The following SEMA5A variants were observed in gnomAD, a reference collection of about 807,000 sequenced individuals.
SEMA5A encodes semaphorin 5A.
In SEMA5A, 55 loss-of-function variants were observed where a neutral mutation model predicts 135.5. That is an observed-to-expected ratio of 0.41 (90% CI 0.33 to 0.51). The LOEUF (loss-of-function observed/expected upper bound fraction) is 0.51. Ranked by LOEUF, SEMA5A falls within the 20% of genes least tolerant of loss-of-function variation. SEMA5A has a pLI of 0.37. For synonymous variants in SEMA5A, 580 were observed against 546.5 expected, an observed-to-expected ratio of 1.06 and a Z score of -0.85; for missense variants, 1,290 against 1,419.9, an observed-to-expected ratio of 0.91 and a Z score of 1.47.
chr5:9,310,501 G>GC (rs1752076906), intron 5 of SEMA5A, among the ~76,000 whole-genome samples: 1 of 151,986 alleles, frequency 6.6e-6, no homozygotes, highest in Non-Finnish European at 1.5e-5. Flanking sequence ...CTGTGGGGGA[G>GC]ACCAGTCTCT....
chr5:9,051,850 C>T (rs1015478684), intron 20 of SEMA5A, 23 bp downstream of exon 20: 1 of 1,613,852 alleles, frequency 6.2e-7, no homozygotes, highest in Non-Finnish European at 8.5e-7. Flanking sequence ...TTTATTCTTA[C>T]TGATAAATAC....
chr5:9,540,483 G>T (rs1482092151), intron 1 of SEMA5A, among the ~76,000 whole-genome samples: 1 of 151,664 alleles, frequency 6.6e-6, no homozygotes, highest in Non-Finnish European at 1.5e-5. Flanking sequence ...TGTAGTCCCA[G>T]CTGCTCAGGA....
At position 9,051,938 on chromosome 5, in the gene SEMA5A, C is replaced by T. The variant is rs1561103558; in HGVS notation, c.2780G>A (p.Gly927Asp). 1.2e-6 allele frequency: 2 copies of T among 1,614,068 alleles called. No homozygotes were observed. The highest frequency in any genetic ancestry group is 1.7e-6 in the Non-Finnish European group (2 of 1,180,032). ...CGTGGTGTTCCCGGAGCACTGGCTG[C>T]CCATGGGGAACAGGAGGATGCACTG... Reference protein sequence around the residue: ...ARQCILLFPMGSQCSGNTTES... With the variant: ...ARQCILLFPMDSQCSGNTTES... The change falls in exon 20 of 23, where the codon GGC becomes GAC. Residue 927 changes from glycine (G) to aspartate (D), a missense_variant. By Grantham distance (94) the Gly-to-Asp change is moderately conservative. This residue lies in a region of SEMA5A where 1,029 missense variants were observed against 1,086.6 expected (regional missense o/e 0.95). Coordinates refer to ENST00000382496, the MANE Select transcript of SEMA5A (RefSeq NM_003966.3).
intron 1 of SEMA5A, among the ~76,000 whole-genome samples, chr5:9,493,614 G>A (rs1186340926): frequency 6.6e-6 from 1 of 152,140 alleles, no homozygotes; most frequent in Non-Finnish European, 1.5e-5. Context: ...TTGATAATAG[G>A]ATTAAAGTTA....
At chr5:9,289,526 G>A (rs60520783) in intron 5 of SEMA5A, among the ~76,000 whole-genome samples, 16,879 of 151,666 alleles carry the variant, frequency 0.11, 1,071 homozygotes, top group South Asian at 0.19. Flanking sequence ...TTAGCCAGGC[G>A]TGGTGGCACG....
chr5:9,140,108 T>A (rs6876019), intron 12 of SEMA5A, among the ~76,000 whole-genome samples: 138,329 of 152,260 alleles, frequency 0.91, 63,346 homozygotes, highest in Non-Finnish European at 0.97. Context: ...TCCTTTTCAA[T>A]TACTACAAGT....
intron 1 of SEMA5A, among the ~76,000 whole-genome samples, chr5:9,519,500 C>T (rs146980998): frequency 2.0e-5 from 3 of 152,306 alleles, no homozygotes; most frequent in Non-Finnish European, 2.9e-5. Flanking sequence ...AATCCAGCTT[C>T]GTTTTAATTT....
At chr5:9,209,466 T>C (rs963612631) in intron 8 of SEMA5A, among the ~76,000 whole-genome samples, 5 of 152,236 alleles carry the variant, frequency 3.3e-5, no homozygotes, top group African/African-American at 9.6e-5. Context: ...ATCAAATTAA[T>C]ACAAGGTTTT....
intron 1 of SEMA5A, among the ~76,000 whole-genome samples, chr5:9,515,987 TACG>T (rs1393427075): frequency 1.3e-5 from 2 of 152,226 alleles, no homozygotes; most frequent in Non-Finnish European, 2.9e-5. Context: ...TGAATATAGT[TACG>T]ACATTTGTGA....
At chr5:9,047,783 T>TA (rs552138663) in intron 21 of SEMA5A, among the ~76,000 whole-genome samples, 12 of 150,582 alleles carry the variant, frequency 8.0e-5, no homozygotes, top group South Asian at 2.1e-4. Context: ...CCTGAAGATC[T>TA]AAAAAAAAAA....
chr5:9,360,630 A>G (rs1482915029), intron 3 of SEMA5A, among the ~76,000 whole-genome samples: 1 of 152,254 alleles, frequency 6.6e-6, no homozygotes, highest in Admixed American at 6.5e-5. Flanking sequence ...AATGACACCC[A>G]TAATAGGACA....
intron 15 of SEMA5A, among the ~76,000 whole-genome samples, chr5:9,111,230 T>C (rs1315753830): frequency 2.6e-5 from 4 of 152,204 alleles, no homozygotes; most frequent in Admixed American, 6.5e-5. Flanking sequence ...TTAAAAGGCA[T>C]GGACTTGTTA....
chr5:9,114,285 CA>C (rs1173592459), intron 15 of SEMA5A, among the ~76,000 whole-genome samples: 1 of 152,104 alleles, frequency 6.6e-6, no homozygotes, highest in Admixed American at 6.5e-5. Flanking sequence ...TAGAGGTTAT[CA>C]GGGGTTGGGA....
At chr5:9,169,887 A>G (rs1194342801) in intron 11 of SEMA5A, among the ~76,000 whole-genome samples, 1 of 152,196 alleles carries the variant, frequency 6.6e-6, no homozygotes, top group Non-Finnish European at 1.5e-5. Flanking sequence ...ATTTATTAAG[A>G]ACTTATTTGG....
chr5:9,204,323 A>G lies in SEMA5A; in HGVS notation c.647-2083T>C, dbSNP rs1198835004. 1.3e-5 allele frequency among the ~76,000 whole-genome samples: 2 copies of G among 152,180 alleles called. No individual in the cohort carries two copies. Among genetic ancestry groups the G allele is most frequent in the African/African-American group, 2.4e-5 (1 of 41,450 alleles). ...CCAGCACACATGCAGGAGGTCCACC[A>G]AAACTTATCAAATACACTCACTATT... On this transcript the variant is annotated intron_variant, in intron 8 of 22. Coordinates refer to ENST00000382496, the MANE Select transcript of SEMA5A (RefSeq NM_003966.3). This position sits in a 1 kb window ranked among gnomAD's most constrained non-coding sequence, Gnocchi z 6.4.
intron 1 of SEMA5A, among the ~76,000 whole-genome samples, chr5:9,457,439 A>G (rs577266257): frequency 6.6e-6 from 1 of 152,308 alleles, no homozygotes; most frequent in African/African-American, 2.4e-5. Flanking sequence ...TGAGGTTCCA[A>G]CAATATGCAT....
rs1343506229 is a variant in SEMA5A at position 9,037,531 on chromosome 5, G to C, written c.*5366C>G. On this transcript the variant is annotated 3_prime_UTR_variant, in exon 23 of 23. Transcript: ENST00000382496. ...CACTGAGTATATCTTTGATCTATCT[G>C]CTAAAACAATGTGTACAATGCATCT... is the stretch of plus-strand genomic sequence containing the variant. 2 of 152,168 alleles carry C rather than the reference G, an allele frequency of 1.3e-5. No homozygotes were observed. Among genetic ancestry groups the C allele is most frequent in the African/African-American group, 4.8e-5 (2 of 41,436 alleles). The allele number at this position is 152,168 out of a possible 1,614,324, so 9.4% of individuals were successfully genotyped here.
At chr5:9,467,303 G>A (rs148199035) in intron 1 of SEMA5A, among the ~76,000 whole-genome samples, 6 of 152,122 alleles carry the variant, frequency 3.9e-5, no homozygotes, top group African/African-American at 9.6e-5. Flanking sequence ...AGTAGGGAAC[G>A]GGGTTTCACC....
At chr5:9,461,627 G>A (rs752664550) in intron 1 of SEMA5A, among the ~76,000 whole-genome samples, 16 of 152,216 alleles carry the variant, frequency 1.1e-4, no homozygotes, top group South Asian at 4.1e-4. Context: ...AAACACCACC[G>A]TGATATCACT....
Sources: allele counts gnomAD v4.1 joint callset (sites outside exome capture counted in the v4.1 genomes callset), GRCh38; gene constraint gnomAD v4.1.1; regional missense constraint gnomAD v4.1.1; non-coding constraint Gnocchi (gnomAD v3.1); transcripts MANE v1.5; gene names NCBI Gene and HGNC (gene_info 2026-07-23, HGNC 2026-07-21).